Variants in TES observed in about 807,000 individuals in gnomAD.
TES encodes testin.
In TES, 41 loss-of-function variants were observed where a neutral mutation model predicts 48.2. The ratio of observed to expected loss-of-function variants is 0.85; its 90% CI spans 0.66 to 1.10. TES has a LOEUF of 1.10. TES is among the 50% of genes least tolerant of loss of function. The pLI is 0.00. For missense variants in TES, 463 were observed against 515.1 expected (o/e 0.90, Z 0.98); for synonymous variants, 162 against 174.9 (o/e 0.93, Z 0.58).
intron 1 of TES, among the ~76,000 whole-genome samples, chr7:116,231,770 G>C (rs1799703492): frequency 6.6e-6 from 1 of 152,132 alleles, no homozygotes; most frequent in Non-Finnish European, 1.5e-5. Context: ...ATCAGAGTCT[G>C]TTCTGTCAGT....
rs1483841048 is a variant in TES at position 116,258,755 on chromosome 7, T to A, written c.*1273T>A. On this transcript the variant is annotated 3_prime_UTR_variant, in exon 7 of 7. Transcript: ENST00000358204. ...TAAATGGAATGAATGATATGTATAT[T>A]ACTCAAAATAAAGTTTCTTTCACTT... 1 of 152,612 alleles carries A rather than the reference T, an allele frequency of 6.6e-6. No homozygotes were observed. The highest frequency in any genetic ancestry group is 1.5e-5 in the Non-Finnish European group (1 of 68,046). 9.5% of individuals were successfully genotyped at this position (152,612 alleles called of 1,614,324 possible). A position where few individuals can be genotyped will look rare whatever the true frequency, so the allele number is the denominator to read the frequency against.
At chr7:116,247,605 A>G (rs1028519954) in intron 2 of TES, among the ~76,000 whole-genome samples, 20 of 152,188 alleles carry the variant, frequency 1.3e-4, no homozygotes, top group African/African-American at 4.8e-4. Context: ...GTTGGTTTTG[A>G]TAAAAATCAA....
chr7:116,230,021 T>C (rs1799677471), intron 1 of TES, among the ~76,000 whole-genome samples: 1 of 152,222 alleles, frequency 6.6e-6, no homozygotes, highest in South Asian at 2.1e-4. Flanking sequence ...CTTATAGCTA[T>C]AAAATAAATT....
intron 1 of TES, among the ~76,000 whole-genome samples, chr7:116,228,005 TTTG>T (rs1799645635): frequency 1.5e-5 from 2 of 136,284 alleles, no homozygotes; most frequent in South Asian, 2.2e-4. Flanking sequence ...TAGTCTTTTT[TTTG>T]TTTTTTTTTT....
At position 116,252,976 on chromosome 7, in the gene TES, T is replaced by C. The variant is rs1412452563; in HGVS notation, c.1077+500T>C. Among the ~76,000 whole-genome samples the C allele has an allele frequency of 5.9e-5, 9 of 152,334 alleles. No individual in the cohort carries two copies. The South Asian group carries it at 1.0e-3, about 18-fold the overall frequency. On this transcript the variant is annotated intron_variant, in intron 6 of 6. Coordinates refer to ENST00000358204, the MANE Select transcript of TES (RefSeq NM_015641.4). ...ACAAAACTTGGCCTGCGTATTTAGA[T>C]TTTTGTGTGGGCCAAACATTCCAAT...
intron 1 of TES, among the ~76,000 whole-genome samples, chr7:116,213,006 A>G (rs1389053786): frequency 2.0e-5 from 3 of 152,172 alleles, no homozygotes; most frequent in East Asian, 3.9e-4. Context: ...AACCGCAGAG[A>G]TGTCCCGTAT....
chr7:116,257,163 C>T, intron 6 of TES, 131 bp from the exon 7 acceptor site: 1 of 980,872 alleles, frequency 1.0e-6, no homozygotes, highest in Admixed American at 3.1e-5. Context: ...AGAAGGCCAC[C>T]CTCCATTGTG....
chr7:116,221,057 T>C (rs1327022266), intron 1 of TES, among the ~76,000 whole-genome samples: 1 of 152,188 alleles, frequency 6.6e-6, no homozygotes, highest in Non-Finnish European at 1.5e-5. Context: ...TGCCACTTGG[T>C]ACTTTGTTGG....
At chr7:116,220,472 A>C (rs1799543303) in intron 1 of TES, among the ~76,000 whole-genome samples, 1 of 152,184 alleles carries the variant, frequency 6.6e-6, no homozygotes, top group Non-Finnish European at 1.5e-5. Flanking sequence ...ATATTTACTC[A>C]GTAATTTGGC....
chr7:116,255,939 AAG>A (rs1314796520), intron 6 of TES, among the ~76,000 whole-genome samples: 1 of 134,280 alleles, frequency 7.4e-6, no homozygotes, highest in Non-Finnish European at 1.6e-5. Context: ...TGCAGAAAAT[AAG>A]ACATTCTAAA....
At chr7:116,235,288 G>GTAAC (rs1799754869) in intron 2 of TES, among the ~76,000 whole-genome samples, 1 of 152,038 alleles carries the variant, frequency 6.6e-6, no homozygotes, top group Non-Finnish European at 1.5e-5. Context: ...TTAAAAATTG[G>GTAAC]TAACTTTACA....
At chr7:116,212,914 A>G (rs1460510765) in intron 1 of TES, among the ~76,000 whole-genome samples, 1 of 152,224 alleles carries the variant, frequency 6.6e-6, no homozygotes, top group Non-Finnish European at 1.5e-5. Context: ...GAATCCCATG[A>G]TATAACAAAT....
At chr7:116,246,983 G>C in intron 2 of TES, among the ~76,000 whole-genome samples, 1 of 129,526 alleles carries the variant, frequency 7.7e-6, no homozygotes. Context: ...CTATGTCCTA[G>C]TGTCAAGTAC....
chr7:116,251,638 G>C, intron 4 of TES, 122 bp from the exon 5 acceptor site: 1 of 882,312 alleles, frequency 1.1e-6, no homozygotes. Context: ...AGCCGAGATA[G>C]CACCACTGGA....
intron 5 of TES, 53 bp downstream of exon 5, chr7:116,252,028 G>T (rs1800021916): frequency 6.4e-7 from 1 of 1,562,040 alleles, no homozygotes; most frequent in East Asian, 2.2e-5. Context: ...CCCTCATATG[G>T]TCCCTTTACC....
chr7:116,234,521 T>G lies in TES; in HGVS notation c.28-13T>G. The G allele has an allele frequency of 6.2e-7, 1 of 1,608,688 alleles. No homozygotes were observed. Among genetic ancestry groups the G allele is most frequent in the South Asian group, 1.1e-5 (1 of 89,828 alleles). On this transcript the variant is annotated splice_polypyrimidine_tract_variant and intron_variant, in intron 1 of 6. Coordinates refer to ENST00000358204, the MANE Select transcript of TES (RefSeq NM_015641.4). Reference sequence around the variant, plus strand: ...AATCTAATAACAGATTCATGATGTTTTCTTTTTAACAGATGGGCTTAGGTC... The same window carrying G: ...AATCTAATAACAGATTCATGATGTTGTCTTTTTAACAGATGGGCTTAGGTC...
chr7:116,254,758 ATGTGTGTGTGTGTGTGTGTG>A (rs202115399), intron 6 of TES, among the ~76,000 whole-genome samples: 2 of 116,756 alleles, frequency 1.7e-5, no homozygotes, highest in African/African-American at 3.5e-5. Context: ...ATATATATAT[ATGTGTGTGTGTGTGTGTGTG>A]TGTGTGTGTG....
In TES at chr7:116,234,640, A is replaced by G. The variant is rs1190996796; in HGVS notation, c.113+21A>G. ...TGGAGGTATTGTTTTGAAAACTGCAACCACATTAGTAATTTATACTTTTTG... is the reference window on the plus strand; with the variant it reads ...TGGAGGTATTGTTTTGAAAACTGCAGCCACATTAGTAATTTATACTTTTTG... On this transcript the variant is annotated intron_variant, in intron 2 of 6. Transcript: ENST00000358204. The G allele has an allele frequency of 1.5e-5, 24 of 1,587,914 alleles. 1 individual carries two copies. In the South Asian group the frequency reaches 2.2e-4, roughly 15 times the overall value.
chr7:116,250,261 C>T lies in TES; in HGVS notation c.467C>T (p.Ala156Val). The part of the protein sequence containing the change: ...RKKQLAKQLP[A>V]HDQDPSKCHE... Reference sequence around the variant, plus strand: ...AAGCAGCTGGCAAAGCAGCTCCCTGCACATGACCAGGACCCTTCAAAGTGC... The same window carrying T: ...AAGCAGCTGGCAAAGCAGCTCCCTGTACATGACCAGGACCCTTCAAAGTGC... Residue 156 changes from alanine (A) to valine (V), a missense_variant, in exon 4 of 7, where the codon GCA (alanine) becomes GTA (valine). Coordinates refer to ENST00000358204, the MANE Select transcript of TES (RefSeq NM_015641.4). The T allele has an allele frequency of 6.2e-7, 1 of 1,611,986 alleles. No homozygotes were observed. Among genetic ancestry groups the T allele is most frequent in the Non-Finnish European group, 8.5e-7 (1 of 1,179,100 alleles).
Sources: gnomAD v4.1 joint callset for allele counts (sites outside exome capture counted in the v4.1 genomes callset) on GRCh38, gnomAD v4.1.1 for gene constraint, MANE v1.5 for transcripts, NCBI Gene and HGNC (gene_info 2026-07-23, HGNC 2026-07-21) for gene names.